GOLGA1: variants seen among roughly 807,000 people sequenced by gnomAD.
The protein encoded by GOLGA1 is golgin A1.
A neutral mutation model predicts 119.7 loss-of-function variants in GOLGA1; 63 were observed. The observed-to-expected ratio is 0.53, with a 90% confidence interval of 0.43 to 0.65. The LOEUF (loss-of-function observed/expected upper bound fraction) is 0.65. Ranked by LOEUF, GOLGA1 falls within the 30% of genes least tolerant of loss-of-function variation. GOLGA1 has a pLI of 0.00. For missense variants in GOLGA1, 798 were observed against 912.8 expected (o/e 0.87, Z 1.62); for synonymous variants, 318 against 333.4 (o/e 0.95, Z 0.50).
chr9:124,889,747 A>G (rs992081185), intron 16 of GOLGA1, among the ~76,000 whole-genome samples: 3 of 152,128 alleles, frequency 2.0e-5, no homozygotes, highest in African/African-American at 7.2e-5. Flanking sequence ...GTCGCCTCCC[A>G]CTGCCCCCTG....
intron 13 of GOLGA1, among the ~76,000 whole-genome samples, chr9:124,899,881 G>A (rs1288829545): frequency 6.6e-6 from 1 of 152,242 alleles, no homozygotes; most frequent in Non-Finnish European, 1.5e-5. Context: ...GCCATTTACT[G>A]GCTGCGAGCC....
At chr9:124,909,508 T>C (rs898774486) in intron 11 of GOLGA1, among the ~76,000 whole-genome samples, 32 of 148,644 alleles carry the variant, frequency 2.2e-4, no homozygotes, top group Non-Finnish European at 3.0e-5. Flanking sequence ...CTCGGGATGC[T>C]GAGGCAGGAA....
chr9:124,901,930 G>T (rs1830113360), intron 12 of GOLGA1, among the ~76,000 whole-genome samples: 1 of 152,200 alleles, frequency 6.6e-6, no homozygotes, highest in Admixed American at 6.5e-5. Context: ...CTGCACCTGG[G>T]CACGAGGCCA....
rs1229119882 is a variant in GOLGA1, at chr9:124,881,998, C to G, written c.1966-44G>C. 22 of 1,447,088 alleles carry G rather than the reference C, an allele frequency of 1.5e-5. No homozygotes were observed. The East Asian group carries it at 5.2e-4, about 34-fold the overall frequency. 89.6% of individuals were successfully genotyped at this position (1,447,088 alleles called of 1,614,324 possible). The stretch of plus-strand genomic sequence containing the variant: ...AGATGCTACACCGAACCCTCTGAGA[C>G]AGGTGGAAAAAATCACACGGGAGGT... On this transcript the variant is annotated intron_variant, in intron 20 of 22. Coordinates refer to ENST00000373555, the MANE Select transcript of GOLGA1 (RefSeq NM_002077.4). The surrounding 1 kb of genome is among the most constrained non-coding windows in gnomAD (Gnocchi z 4.9).
intron 15 of GOLGA1, among the ~76,000 whole-genome samples, chr9:124,891,337 C>T (rs1327847360): frequency 1.3e-5 from 2 of 152,220 alleles, no homozygotes; most frequent in Non-Finnish European, 2.9e-5. Flanking sequence ...CCAGGATGGG[C>T]TTAGGGAACA....
At chr9:124,939,550 C>CTTTTTTTTTTTTTTTTTTT (rs3051147) in intron 2 of GOLGA1, among the ~76,000 whole-genome samples, 1 of 81,858 alleles carries the variant, frequency 1.2e-5, no homozygotes, top group Non-Finnish European at 2.4e-5. Flanking sequence ...TTCTTTCTTT[C>CTTTTTTTTTTTTTTTTTTT]TTTTTTTTTT....
In GOLGA1 at chr9:124,892,913, C is replaced by T. The variant is rs948403793; in HGVS notation, c.1408-2435G>A. 1.3e-4 allele frequency among the ~76,000 whole-genome samples: 18 copies of T among 135,756 alleles called. No individual in the cohort carries two copies. The East Asian group carries it at 2.0e-3, about 15-fold the overall frequency. 89.1% of individuals were successfully genotyped at this position (135,756 alleles called of 152,430 possible). A position where few individuals can be genotyped will look rare whatever the true frequency, so the allele number is the denominator to read the frequency against. On this transcript the variant is annotated intron_variant, in intron 15 of 22. Transcript: ENST00000373555. ...CGCCATTGCACTCCAGCCTGGGCAA[C>T]AGGAGAGAAATTCCATCTCAAAAAA... is the stretch of plus-strand genomic sequence containing the variant.
intron 10 of GOLGA1, among the ~76,000 whole-genome samples, chr9:124,914,799 TC>T (rs1157469428): frequency 6.6e-6 from 1 of 152,190 alleles, no homozygotes; most frequent in African/African-American, 2.4e-5. Flanking sequence ...CTGCATTTGT[TC>T]CCCTACACAT....
chr9:124,908,428 G>A lies in GOLGA1; in HGVS notation c.1014C>T (p.Leu338=). Residue 338 remains leucine, a synonymous_variant, in exon 12 of 23, where the codon CTC becomes CTT. Transcript: ENST00000373555. The stretch of plus-strand genomic sequence containing the variant: ...TAGCCTGGCTGCTTCTGGCTGCCAA[G>A]AGCTGTTGTCTGGTATCCTCCAAAT... ...EQNLEDTRQQ[L]LAARSSQAKA... 1.2e-6 allele frequency: 2 copies of A among 1,612,092 alleles called. No individual in the cohort carries two copies. The highest frequency in any genetic ancestry group is 8.5e-7 in the Non-Finnish European group (1 of 1,178,100).
At position 124,878,868 on chromosome 9, in the gene GOLGA1, C is replaced by T. The variant is rs1289267272; in HGVS notation, c.*1662G>A. On this transcript the variant is annotated 3_prime_UTR_variant, in exon 23 of 23. Coordinates refer to ENST00000373555, the MANE Select transcript of GOLGA1 (RefSeq NM_002077.4). ...GAAATCCTACTTTGAAAAAAGGCTA[C>T]CTCTTACCCATCAAACTTGCAGAAC... 6.6e-6 allele frequency: 1 copy of T among 152,232 alleles called. No individual in the cohort carries two copies. The highest frequency in any genetic ancestry group is 1.5e-5 in the Non-Finnish European group (1 of 68,050). 9.4% of individuals were successfully genotyped at this position (152,232 alleles called of 1,614,324 possible).
At chr9:124,887,751 G>A (rs80087281) in intron 19 of GOLGA1, among the ~76,000 whole-genome samples, 1,725 of 152,216 alleles carry the variant, frequency 0.011, 89 homozygotes, top group Admixed American at 0.083. Flanking sequence ...TTATATAGGT[G>A]GAAAGGCTGG....
chr9:124,910,566 T>C (rs1463429928), intron 11 of GOLGA1, among the ~76,000 whole-genome samples: 1 of 152,254 alleles, frequency 6.6e-6, no homozygotes, highest in Non-Finnish European at 1.5e-5. Context: ...TTTAATAGTA[T>C]AATAAAACCA....
At chr9:124,899,534 T>A in intron 13 of GOLGA1, 56 bp from the exon 14 acceptor site, 2 of 1,495,788 alleles carry the variant, frequency 1.3e-6, no homozygotes, top group Non-Finnish European at 1.8e-6. Flanking sequence ...CAGTGGGGGA[T>A]CTTAGTCTGG....
intron 11 of GOLGA1, among the ~76,000 whole-genome samples, chr9:124,909,171 G>T (rs1830287573): frequency 6.6e-6 from 1 of 151,972 alleles, no homozygotes; most frequent in South Asian, 2.1e-4. Flanking sequence ...AAATTAGCTG[G>T]ATGTGGTGGT....
rs367610035 is a variant in GOLGA1, at chr9:124,929,182, A to G, written c.301+34T>C. 659 of 1,297,882 alleles carry G rather than the reference A, an allele frequency of 5.1e-4. 3 individuals are homozygous for G. Among genetic ancestry groups the G allele is most frequent in the Non-Finnish European group, 6.7e-4 (598 of 892,856 alleles). The allele number at this position is 1,297,882 out of a possible 1,614,324, so 80.4% of individuals were successfully genotyped here. A position where few individuals can be genotyped will look rare whatever the true frequency, so the allele number is the denominator to read the frequency against. On this transcript the variant is annotated intron_variant, in intron 5 of 22. Transcript: ENST00000373555. The stretch of plus-strand genomic sequence containing the variant: ...GTTTCATTTCAAAAACTAAACCTTG[A>G]AAAGATTGAAAAAAGCAGGAAAAAA...
In GOLGA1 at chr9:124,881,455, A is replaced by AACTGGCCTGGCAGGCTTAAGGGT; in HGVS notation, c.2137-199_2137-198insACCCTTAAGCCTGCCAGGCCAGT. ...CTCGGGGGCCTGGCAGGCTTAAGGG[A>AACTGGCCTGGCAGGCTTAAGGGT]ACTGCCCCAGCAGCTACCCTACCCT... On this transcript the variant is annotated intron_variant, in intron 21 of 22. Transcript: ENST00000373555. The surrounding 1 kb of genome is among the most constrained non-coding windows in gnomAD (Gnocchi z 4.9). Among the ~76,000 whole-genome samples the AACTGGCCTGGCAGGCTTAAGGGT allele has an allele frequency of 6.6e-6, 1 of 152,124 alleles. No homozygotes were observed. Among genetic ancestry groups the AACTGGCCTGGCAGGCTTAAGGGT allele is most frequent in the Non-Finnish European group, 1.5e-5 (1 of 68,026 alleles).
intron 15 of GOLGA1, among the ~76,000 whole-genome samples, chr9:124,891,123 G>A (rs1238496411): frequency 6.6e-6 from 1 of 152,206 alleles, no homozygotes; most frequent in Non-Finnish European, 1.5e-5. Context: ...TCAAGCATCA[G>A]CTAGTGAGGG....
intron 1 of GOLGA1, 50 bp from the exon 2 acceptor site, chr9:124,940,205 T>A (rs1389622732): frequency 6.6e-6 from 1 of 151,490 alleles, no homozygotes; most frequent in Non-Finnish European, 1.5e-5. Context: ...TTCAAGTGTA[T>A]GGCCAAAATG....
chr9:124,894,105 T>C (rs965984722), intron 15 of GOLGA1, among the ~76,000 whole-genome samples: 15 of 152,226 alleles, frequency 9.9e-5, no homozygotes, highest in Admixed American at 6.5e-4. Context: ...TCTTGACCAG[T>C]TGGCAGCATA....
Sources: allele counts gnomAD v4.1 joint callset (sites outside exome capture counted in the v4.1 genomes callset), GRCh38; gene constraint gnomAD v4.1.1; non-coding constraint Gnocchi (gnomAD v3.1); transcripts MANE v1.5; gene names NCBI Gene and HGNC (gene_info 2026-07-23, HGNC 2026-07-21).